Variants in ABRAXAS2 observed in about 807,000 individuals in gnomAD.
ABRAXAS2 encodes the protein abraxas 2, BRISC complex subunit.
ABRAXAS2 carries 23 observed loss-of-function variants against 49.0 expected under a neutral mutation model. The observed-to-expected ratio is 0.47, with a 90% CI of 0.34 to 0.66. The LOEUF (loss-of-function observed/expected upper bound fraction) is 0.66, where lower values mean the gene tolerates loss of function less well. ABRAXAS2 is among the 30% of genes least tolerant of loss of function. The probability of loss-of-function intolerance (pLI) is 0.01; values close to 1 mark genes in which losing one functional copy is unlikely to be tolerated. For synonymous variants in ABRAXAS2, 168 were observed against 180.2 expected, an observed-to-expected ratio of 0.93 and a Z score of 0.54; for missense variants, 443 against 511.9, an observed-to-expected ratio of 0.87 and a Z score of 1.30.
At chr10:124,827,034 A>T (rs1210700443) in intron 5 of ABRAXAS2, among the ~76,000 whole-genome samples, 2 of 148,912 alleles carry the variant, frequency 1.3e-5, no homozygotes, top group South Asian at 4.5e-4. Flanking sequence ...CAGAGGTTGC[A>T]GTGAGCCAAG....
At chr10:124,809,592 G>A (rs976514211) in intron 2 of ABRAXAS2, among the ~76,000 whole-genome samples, 5 of 151,466 alleles carry the variant, frequency 3.3e-5, no homozygotes, top group African/African-American at 1.2e-4. Context: ...GGCCCCAAGG[G>A]TGTGTATTGA....
intron 2 of ABRAXAS2, among the ~76,000 whole-genome samples, chr10:124,811,231 T>A (rs1342216908): frequency 6.6e-6 from 1 of 151,036 alleles, no homozygotes; most frequent in African/African-American, 2.4e-5. Flanking sequence ...AATAAATAAA[T>A]AAAATCCTAA....
At chr10:124,815,136 A>G (rs943628400) in intron 2 of ABRAXAS2, 2 of 152,152 alleles carry the variant, frequency 1.3e-5, no homozygotes, top group African/African-American at 4.8e-5. Context: ...CATTTTGACA[A>G]CATTAACACA....
intron 2 of ABRAXAS2, among the ~76,000 whole-genome samples, chr10:124,808,099 C>T (rs74160957): frequency 6.6e-6 from 1 of 152,108 alleles, no homozygotes; most frequent in East Asian, 1.9e-4. Context: ...CTTTCAGGTA[C>T]ACTTCAGGCA....
intron 6 of ABRAXAS2, 85 bp downstream of exon 6, chr10:124,828,960 T>C: frequency 7.1e-7 from 1 of 1,399,250 alleles, no homozygotes. Context: ...TATGGAAAAA[T>C]GTAAAACCAA....
At chr10:124,831,621 G>A (rs1438443751) in intron 8 of ABRAXAS2, among the ~76,000 whole-genome samples, 158 bp downstream of exon 8, 2 of 152,100 alleles carry the variant, frequency 1.3e-5, no homozygotes, top group Non-Finnish European at 2.9e-5. Flanking sequence ...TTCTCTGGAG[G>A]GCAAGTGCTG....
rs1437094124 is a variant in ABRAXAS2 at position 124,831,240 on chromosome 10, T to TA, written c.664-107dup. ...TGTTCTACCTTATGTGGCTGCTTTT[T>TA]AACTCAATAAACCATCTGGACTTTT... On this transcript the variant is annotated intron_variant, in intron 7 of 8. Transcript: ENST00000298492. 4.3e-6 allele frequency: 3 copies of TA among 701,000 alleles called. No homozygotes were observed. In the African/African-American group the frequency reaches 5.4e-5, roughly 13 times the overall value. The allele number at this position is 701,000 out of a possible 1,614,324, so 43.4% of individuals were successfully genotyped here.
At chr10:124,828,405 C>T (rs1382362767) in intron 5 of ABRAXAS2, among the ~76,000 whole-genome samples, 1 of 152,080 alleles carries the variant, frequency 6.6e-6, no homozygotes, top group Non-Finnish European at 1.5e-5. Context: ...CTTGCTGTTG[C>T]CCAGGCTGGA....
intron 3 of ABRAXAS2, among the ~76,000 whole-genome samples, chr10:124,817,827 G>C (rs982746626): frequency 6.6e-6 from 1 of 152,188 alleles, no homozygotes; most frequent in Admixed American, 6.6e-5. Flanking sequence ...GAAGCCATCA[G>C]TTGCTGAGAA....
At chr10:124,813,189 A>G (rs1950801020) in intron 2 of ABRAXAS2, among the ~76,000 whole-genome samples, 1 of 152,230 alleles carries the variant, frequency 6.6e-6, no homozygotes, top group Admixed American at 6.5e-5. Flanking sequence ...CGACAAAGCG[A>G]GACTCCATCT....
intron 2 of ABRAXAS2, among the ~76,000 whole-genome samples, chr10:124,810,731 C>T (rs1475586779): frequency 4.0e-5 from 6 of 151,050 alleles, no homozygotes; most frequent in Admixed American, 2.6e-4. Flanking sequence ...TACAGGTGCA[C>T]GCCACCACTC....
At chr10:124,815,696 C>G (rs976589048) in intron 2 of ABRAXAS2, among the ~76,000 whole-genome samples, 6 of 151,954 alleles carry the variant, frequency 3.9e-5, no homozygotes, top group African/African-American at 1.2e-4. Flanking sequence ...TTAATCACAG[C>G]AACTTTTCAG....
intron 8 of ABRAXAS2, among the ~76,000 whole-genome samples, chr10:124,834,053 A>G (rs1215316389): frequency 6.6e-6 from 1 of 152,168 alleles, no homozygotes; most frequent in Non-Finnish European, 1.5e-5. Context: ...CAAAGAAAGA[A>G]TCTCACATTT....
At chr10:124,802,359 G>T (rs1181437436) in intron 1 of ABRAXAS2, among the ~76,000 whole-genome samples, 1 of 152,260 alleles carries the variant, frequency 6.6e-6, no homozygotes, top group Non-Finnish European at 1.5e-5. Context: ...TGCTGCGAGT[G>T]AAACCGTGGC....
intron 1 of ABRAXAS2, among the ~76,000 whole-genome samples, chr10:124,805,382 A>G (rs1950735469): frequency 6.6e-6 from 1 of 152,080 alleles, no homozygotes; most frequent in South Asian, 2.1e-4. Flanking sequence ...CCACTCCCAT[A>G]GATTCTCACT....
At chr10:124,803,794 G>C (rs1950722524) in intron 1 of ABRAXAS2, among the ~76,000 whole-genome samples, 1 of 152,202 alleles carries the variant, frequency 6.6e-6, no homozygotes, top group South Asian at 2.1e-4. Context: ...CCAGCTACTA[G>C]GGAGGCTGAG....
chr10:124,826,696 C>G lies in ABRAXAS2; in HGVS notation c.369C>G (p.Pro123=), dbSNP rs145810516. ...HKQLTRILGV[P]DLVFLLFSFI... ...AGCTCACCCGCATCCTCGGCGTGCC[C>G]GACCTCGTCTTTCTTCTCTTCAGCT... is the stretch of plus-strand genomic sequence containing the variant. The change falls in exon 5 of 9, where the codon CCC becomes CCG. Residue 123 remains proline (P), a synonymous_variant. Coordinates refer to ENST00000298492, the MANE Select transcript of ABRAXAS2 (RefSeq NM_032182.4). 6.2e-7 allele frequency: 1 copy of G among 1,614,188 alleles called. No individual in the cohort carries two copies.
chr10:124,808,851 C>A (rs145282055), intron 2 of ABRAXAS2, among the ~76,000 whole-genome samples: 4 of 152,212 alleles, frequency 2.6e-5, no homozygotes, highest in South Asian at 4.1e-4. Flanking sequence ...TGTTGGCTAG[C>A]GGGGTGCAGT....
In ABRAXAS2 at chr10:124,826,474, G is replaced by C. The variant is rs141666706; in HGVS notation, c.268-121G>C. 3.2e-4 allele frequency: 294 copies of C among 911,048 alleles called. 2 individuals carry two copies. The East Asian group carries it at 7.3e-3, about 23-fold the overall frequency. The allele number at this position is 911,048 out of a possible 1,614,324, so 56.4% of individuals were successfully genotyped here. Reference sequence around the variant, plus strand: ...GCTCCTGCTCATGGACGCTTGGGTTGTTCCAGGGTGGGGCTTTTGCACATA... The same window carrying C: ...GCTCCTGCTCATGGACGCTTGGGTTCTTCCAGGGTGGGGCTTTTGCACATA... On this transcript the variant is annotated intron_variant, in intron 4 of 8. Coordinates refer to ENST00000298492, the MANE Select transcript of ABRAXAS2 (RefSeq NM_032182.4).
Sources: allele counts gnomAD v4.1 joint callset (sites outside exome capture counted in the v4.1 genomes callset), GRCh38; gene constraint gnomAD v4.1.1; transcripts MANE v1.5; gene names NCBI Gene and HGNC (gene_info 2026-07-23, HGNC 2026-07-21).